EPHB6: variants seen among roughly 807,000 people sequenced by gnomAD.
The protein encoded by EPHB6 is EPH receptor B6.
Under a neutral mutation model 107.0 loss-of-function variants are expected in EPHB6, and 51 were observed. That is an observed-to-expected ratio of 0.48 (90% CI 0.38 to 0.60). The LOEUF (loss-of-function observed/expected upper bound fraction) is 0.60, where lower values mean the gene tolerates loss of function less well. EPHB6 is among the 20% of genes least tolerant of loss of function. The probability of loss-of-function intolerance (pLI) is 0.00; values close to 1 mark genes in which losing one functional copy is unlikely to be tolerated. For missense variants in EPHB6, 1,141 were observed against 1,355.5 expected, an observed-to-expected ratio of 0.84 and a Z score of 2.48; for synonymous variants, 553 against 549.0, an observed-to-expected ratio of 1.01 and a Z score of -0.10.
chr7:142,865,661 A>G, intron 8 of EPHB6, 31 bp downstream of exon 8: 2 of 1,610,466 alleles, frequency 1.2e-6, no homozygotes, highest in Non-Finnish European at 1.7e-6. Flanking sequence ...TGCAATGGGA[A>G]AGAGACTTGG....
intron 8 of EPHB6, 98 bp downstream of exon 8, chr7:142,865,728 G>T: frequency 6.6e-7 from 1 of 1,513,176 alleles, no homozygotes; most frequent in South Asian, 1.2e-5. Context: ...CATTTGGAGT[G>T]ACTTGTTTTT....
chr7:142,863,956 C>T lies in EPHB6; in HGVS notation c.166-10C>T, dbSNP rs201894944. 2.8e-5 allele frequency: 45 copies of T among 1,614,270 alleles called. No homozygotes were observed. The highest frequency in any genetic ancestry group is 6.7e-5 in the Admixed American group (4 of 60,038). On this transcript the variant is annotated splice_polypyrimidine_tract_variant and intron_variant, in intron 6 of 19. Coordinates refer to ENST00000652003, the MANE Select transcript of EPHB6 (RefSeq NM_004445.6). ...GGAGCCCCTAAAGCTTCTCCTGGCC[C>T]TTCCTGCAGTGGGACGAGGTGAGTG... is the stretch of plus-strand genomic sequence containing the variant.
intron 2 of EPHB6, among the ~76,000 whole-genome samples, chr7:142,861,573 AG>A (rs1269559453): frequency 7.2e-5 from 11 of 152,304 alleles, no homozygotes; most frequent in African/African-American, 2.6e-4. Flanking sequence ...TTCTTAACAA[AG>A]GGGAGCTTAC....
rs761612763 is a variant in EPHB6 at position 142,866,450 on chromosome 7, T to G, written c.1463-31T>G. The G allele has an allele frequency of 1.5e-5, 25 of 1,613,604 alleles. No homozygotes were observed. Among genetic ancestry groups the G allele is most frequent in the South Asian group, 7.7e-5 (7 of 91,062 alleles). ...CTGATCCTGCTCCCAGGGACTCCTA[T>G]CCCCATAATAATTTTCCTTTTGCAC... On this transcript the variant is annotated intron_variant, in intron 9 of 19. Transcript: ENST00000652003. The surrounding 1 kb of genome is among the most constrained non-coding windows in gnomAD (Gnocchi z 5.2).
At position 142,869,268 on chromosome 7, in the gene EPHB6, A is replaced by C; in HGVS notation, c.2460+121A>C. 8.7e-7 allele frequency: 1 copy of C among 1,154,110 alleles called. No individual in the cohort carries two copies. Among genetic ancestry groups the C allele is most frequent in the Non-Finnish European group, 1.2e-6 (1 of 802,894 alleles). The allele number at this position is 1,154,110 out of a possible 1,614,324, so 71.5% of individuals were successfully genotyped here. A position where few individuals can be genotyped will look rare whatever the true frequency, so the allele number is the denominator to read the frequency against. ...TCAGCCGGGGTGTCATAGTCCCTGA[A>C]AGGAGGGAGGCTCTCCTGTGTGATG... On this transcript the variant is annotated intron_variant, in intron 16 of 19. Coordinates refer to ENST00000652003, the MANE Select transcript of EPHB6 (RefSeq NM_004445.6). The surrounding 1 kb of genome is among the most constrained non-coding windows in gnomAD (Gnocchi z 4.5).
chr7:142,870,962 C>T lies in EPHB6; in HGVS notation c.*58C>T, dbSNP rs1266899977. 64 of 1,523,456 alleles carry T rather than the reference C, an allele frequency of 4.2e-5. No individual in the cohort carries two copies. The highest frequency in any genetic ancestry group is 4.7e-5 in the East Asian group (2 of 42,402). The allele number at this position is 1,523,456 out of a possible 1,614,324, so 94.4% of individuals were successfully genotyped here. ...CTGGTCCGAGAAGGGACATGTGGGA[C>T]GTGAGCCGGGCTCCAACAGCCTCTG... On this transcript the variant is annotated 3_prime_UTR_variant, in exon 20 of 20. Transcript: ENST00000652003.
chr7:142,864,148 CCTGGG>C lies in EPHB6; in HGVS notation c.349_353del (p.Leu117CysfsTer18). On this transcript the variant is annotated frameshift_variant, in exon 7 of 20. Transcript: ENST00000652003. LOFTEE classifies it high-confidence loss of function. ...ACTTCTCTGTGCGGGCATGCTCCAG[CCTGGG>C]TGTGAGCGGCGGCACCTGCCGGGAG... 6.2e-7 allele frequency: 1 copy of C among 1,614,034 alleles called. No homozygotes were observed. Among genetic ancestry groups the C allele is most frequent in the Non-Finnish European group, 8.5e-7 (1 of 1,180,036 alleles).
chr7:142,855,895 C>T lies in EPHB6; in HGVS notation c.-432+510C>T, dbSNP rs1049598366. Among the ~76,000 whole-genome samples, 4 of 152,160 alleles carry T rather than the reference C, an allele frequency of 2.6e-5. No homozygotes were observed. The highest frequency in any genetic ancestry group is 9.7e-5 in the African/African-American group (4 of 41,434). On this transcript the variant is annotated intron_variant, in intron 1 of 19. Coordinates refer to ENST00000652003, the MANE Select transcript of EPHB6 (RefSeq NM_004445.6). This position sits in a 1 kb window ranked among gnomAD's most constrained non-coding sequence, Gnocchi z 4.2. The stretch of plus-strand genomic sequence containing the variant: ...TTGGAGGTGGAAGGAACGCTTGGTT[C>T]CTGCTGCCCAGCCATCACCCCCAAC...
intron 1 of EPHB6, among the ~76,000 whole-genome samples, chr7:142,856,056 C>T (rs746769060): frequency 2.0e-4 from 30 of 152,232 alleles, no homozygotes; most frequent in Non-Finnish European, 3.7e-4. Flanking sequence ...CTCCTCCCAT[C>T]CCTGGGGGAG....
In EPHB6 at chr7:142,867,278, A is replaced by G. The variant is rs140496710; in HGVS notation, c.1750+210A>G. 187 of 656,406 alleles carry G rather than the reference A, an allele frequency of 2.8e-4. No individual in the cohort carries two copies. The African/African-American group carries it at 3.0e-3, about 11-fold the overall frequency. 40.7% of individuals were successfully genotyped at this position (656,406 alleles called of 1,614,324 possible). A position where few individuals can be genotyped will look rare whatever the true frequency, so the allele number is the denominator to read the frequency against. Reference sequence around the variant, plus strand: ...GGGTATGTATGCATGTTGAGTGTGGATATAGGAGGGCTGTGGGGATGTGTG... The same window carrying G: ...GGGTATGTATGCATGTTGAGTGTGGGTATAGGAGGGCTGTGGGGATGTGTG... On this transcript the variant is annotated intron_variant, in intron 11 of 19. Coordinates refer to ENST00000652003, the MANE Select transcript of EPHB6 (RefSeq NM_004445.6). The surrounding 1 kb of genome is among the most constrained non-coding windows in gnomAD (Gnocchi z 5.3).
chr7:142,868,050 G>C lies in EPHB6; in HGVS notation c.1918+1G>C. ...CAGCTGCAGCAATACAGCAGCCCAG[G>C]TGGGGATGAGGAGAGGAAATGGGTG... is the stretch of plus-strand genomic sequence containing the variant. On this transcript the variant is annotated splice_donor_variant, in intron 13 of 19. Coordinates refer to ENST00000652003, the MANE Select transcript of EPHB6 (RefSeq NM_004445.6). LOFTEE classifies it high-confidence loss of function. The surrounding 1 kb of genome is among the most constrained non-coding windows in gnomAD (Gnocchi z 4.2). 6.2e-7 allele frequency: 1 copy of C among 1,603,092 alleles called. No individual in the cohort carries two copies. The highest frequency in any genetic ancestry group is 8.5e-7 in the Non-Finnish European group (1 of 1,174,698).
chr7:142,868,200 C>T lies in EPHB6; in HGVS notation c.1919-41C>T, dbSNP rs754184692. On this transcript the variant is annotated intron_variant, in intron 13 of 19. Coordinates refer to ENST00000652003, the MANE Select transcript of EPHB6 (RefSeq NM_004445.6). The surrounding 1 kb of genome is among the most constrained non-coding windows in gnomAD (Gnocchi z 4.2). ...TGTCTGGGGTGCGCGGGCAGCCCTGCCTTTCACAACACGCTCATAACATAC... is the reference window on the plus strand; with the variant it reads ...TGTCTGGGGTGCGCGGGCAGCCCTGTCTTTCACAACACGCTCATAACATAC... 12 of 1,613,988 alleles carry T rather than the reference C, an allele frequency of 7.4e-6. No individual in the cohort carries two copies. The highest frequency in any genetic ancestry group is 9.3e-6 in the Non-Finnish European group (11 of 1,180,008).
Position 142,868,544 on chromosome 7 carries a change from G to A in EPHB6, c.2091G>A (p.Glu697=), listed in dbSNP as rs1341212088. The change falls in exon 15 of 20, where the codon GAG becomes GAA. Residue 697 remains glutamate (E), a synonymous_variant. Coordinates refer to ENST00000652003, the MANE Select transcript of EPHB6 (RefSeq NM_004445.6). This position sits in a 1 kb window ranked among gnomAD's most constrained non-coding sequence, Gnocchi z 4.2. The part of the protein sequence containing the change: ...QGRLQPRGRR[E]QTVAIQALWA... ...GCCTGCAGCCACGGGGACGGAGGGA[G>A]CAGACTGTGGCCATCCAGGCCCTGT... is the stretch of plus-strand genomic sequence containing the variant. 3 of 1,613,584 alleles carry A rather than the reference G, an allele frequency of 1.9e-6. No homozygotes were observed. Among genetic ancestry groups the A allele is most frequent in the Non-Finnish European group, 2.5e-6 (3 of 1,180,014 alleles).
Position 142,857,692 on chromosome 7 carries a change from C to T in EPHB6, c.-432+2307C>T, listed in dbSNP as rs7785840. Among the ~76,000 whole-genome samples, 1,050 of 152,306 alleles carry T rather than the reference C, an allele frequency of 6.9e-3. 8 individuals are homozygous for T. The highest frequency in any genetic ancestry group is 0.024 in the African/African-American group (977 of 41,550). On this transcript the variant is annotated intron_variant, in intron 1 of 19. Coordinates refer to ENST00000652003, the MANE Select transcript of EPHB6 (RefSeq NM_004445.6). ...TCACTAAATTGTTCCTGTCTGGGCT[C>T]GGTTTGGGGCCATGCCCTTTACTAT...
chr7:142,868,417 G>C lies in EPHB6; in HGVS notation c.2038+57G>C. Reference sequence around the variant, plus strand: ...ACGGGGCTCCCTTGTGGCCTCCGCTGGCCAGAGTCCCATCCAAACACAGCA... The same window carrying C: ...ACGGGGCTCCCTTGTGGCCTCCGCTCGCCAGAGTCCCATCCAAACACAGCA... On this transcript the variant is annotated intron_variant, in intron 14 of 19. Coordinates refer to ENST00000652003, the MANE Select transcript of EPHB6 (RefSeq NM_004445.6). This position sits in a 1 kb window ranked among gnomAD's most constrained non-coding sequence, Gnocchi z 4.2. The C allele has an allele frequency of 6.2e-7, 1 of 1,613,960 alleles. No individual in the cohort carries two copies. The highest frequency in any genetic ancestry group is 8.5e-7 in the Non-Finnish European group (1 of 1,179,872).
In EPHB6 at chr7:142,862,049, C is replaced by A. The variant is rs1292515781; in HGVS notation, c.-264C>A. 1 of 152,156 alleles carries A rather than the reference C, an allele frequency of 6.6e-6. No individual in the cohort carries two copies. The highest frequency in any genetic ancestry group is 1.5e-5 in the Non-Finnish European group (1 of 68,052). The allele number at this position is 152,156 out of a possible 1,614,324, so 9.4% of individuals were successfully genotyped here. ...GCTGGGAAGTCCAAGATCAGGGTGC[C>A]GGCATGGTCAGTTCCTGGCGAAGCC... On this transcript the variant is annotated 5_prime_UTR_variant, in exon 3 of 20. Transcript: ENST00000652003.
Position 142,870,835 on chromosome 7 carries a change from G to A in EPHB6, c.3000G>A (p.Gln1000=). ...TGGGCATCACCCTGGCTGGCCACCA[G>A]AAGAAGCTGCTGCACCACATCCAGC... ...PALGITLAGH[Q]KKLLHHIQLL... Residue 1000 remains glutamine, a synonymous_variant, in exon 20 of 20, where the codon CAG becomes CAA. Coordinates refer to ENST00000652003, the MANE Select transcript of EPHB6 (RefSeq NM_004445.6). 1.2e-6 allele frequency: 2 copies of A among 1,614,142 alleles called. No homozygotes were observed. Among genetic ancestry groups the A allele is most frequent in the Non-Finnish European group, 1.7e-6 (2 of 1,179,986 alleles).
chr7:142,864,822 A>G, intron 7 of EPHB6, 73 bp downstream of exon 7: 4 of 1,564,400 alleles, frequency 2.6e-6, no homozygotes, highest in South Asian at 1.1e-5. Context: ...CTCTCTGAAC[A>G]CCCCAAAATT....
Position 142,869,828 on chromosome 7 carries a change from T to C in EPHB6, c.2472T>C (p.Cys824=). ...ACTTTACCCCTCAGGGCCCAAGTTG[T>C]TTGCTTCGCTGGGCAGCCCCAGAGG... ...RLGHSPQGPS[C]LLRWAAPEVI... The change falls in exon 17 of 20, where the codon TGT becomes TGC. Residue 824 remains cysteine, a synonymous_variant. Transcript: ENST00000652003. The surrounding 1 kb of genome is among the most constrained non-coding windows in gnomAD (Gnocchi z 4.5). The C allele has an allele frequency of 6.2e-7, 1 of 1,614,220 alleles. No homozygotes were observed. The highest frequency in any genetic ancestry group is 1.3e-5 in the African/African-American group (1 of 75,062).
Sources: allele counts gnomAD v4.1 joint callset (sites outside exome capture counted in the v4.1 genomes callset), GRCh38; gene constraint gnomAD v4.1.1; non-coding constraint Gnocchi (gnomAD v3.1); transcripts MANE v1.5; gene names NCBI Gene and HGNC (gene_info 2026-07-23, HGNC 2026-07-21).